The following MCF2L2 variants were observed in gnomAD, a reference collection of about 807,000 sequenced individuals.
MCF2L2 encodes MCF.2 cell line derived transforming sequence-like 2, also known as probable guanine nucleotide exchange factor MCF2L2.
In MCF2L2, 102 loss-of-function variants were observed where a neutral mutation model predicts 150.2. That is an observed-to-expected ratio of 0.68 (90% confidence interval 0.58 to 0.80). The LOEUF (loss-of-function observed/expected upper bound fraction) is 0.80, where lower values mean the gene tolerates loss of function less well. Ranked by LOEUF, MCF2L2 falls within the 30% of genes least tolerant of loss-of-function variation. The pLI, the probability that MCF2L2 is intolerant of heterozygous loss-of-function variation, is 0.00. For synonymous variants in MCF2L2, 465 were observed against 491.3 expected, an observed-to-expected ratio of 0.95 and a Z score of 0.71; for missense variants, 1,256 against 1,372.8, an observed-to-expected ratio of 0.91 and a Z score of 1.34.
chr3:183,286,857 T>C (rs529591038), intron 14 of MCF2L2, among the ~76,000 whole-genome samples: 3 of 152,350 alleles, frequency 2.0e-5, no homozygotes, highest in South Asian at 4.1e-4. Flanking sequence ...GAGAAGCTTT[T>C]CATTAAATAC....
intron 1 of MCF2L2, among the ~76,000 whole-genome samples, chr3:183,409,551 CTT>C (rs11336262): frequency 0.059 from 7,189 of 121,592 alleles, 281 homozygotes; most frequent in African/African-American, 0.15. Context: ...GCTAAAATTT[CTT>C]TTTTTTTTTT....
chr3:183,379,709 T>A (rs535362199), intron 2 of MCF2L2, among the ~76,000 whole-genome samples: 3 of 152,326 alleles, frequency 2.0e-5, no homozygotes, highest in East Asian at 3.9e-4. Context: ...CACAAATATG[T>A]AATATTGCTC....
intron 4 of MCF2L2, among the ~76,000 whole-genome samples, chr3:183,341,216 T>A (rs1730682467): frequency 6.6e-6 from 1 of 152,214 alleles, no homozygotes; most frequent in Admixed American, 6.5e-5. Flanking sequence ...AGCTGAGATA[T>A]TTATCTACCA....
At chr3:183,376,792 G>T (rs1208764082) in intron 3 of MCF2L2, 2 of 152,128 alleles carry the variant, frequency 1.3e-5, no homozygotes, top group Non-Finnish European at 1.5e-5. Flanking sequence ...ATTGAACAAA[G>T]AATAATAAAC....
chr3:183,216,233 C>G, intron 21 of MCF2L2, 139 bp from the exon 22 acceptor site: 2 of 921,868 alleles, frequency 2.2e-6, no homozygotes, highest in Non-Finnish European at 1.6e-6. Context: ...TCTCCCTGCT[C>G]CCAAAGCATG....
chr3:183,219,820 T>C (rs376558160), intron 21 of MCF2L2, 36 bp downstream of exon 21: 4 of 1,361,852 alleles, frequency 2.9e-6, no homozygotes, highest in African/African-American at 2.9e-5. Context: ...CCATTAATAG[T>C]TAGTTATATA....
intron 3 of MCF2L2, 58 bp from the exon 4 acceptor site, chr3:183,341,688 C>T (rs1730703144): frequency 2.5e-6 from 3 of 1,205,164 alleles, no homozygotes; most frequent in Admixed American, 1.7e-5. Flanking sequence ...CTCCATGTGG[C>T]TCCCACAGCA....
chr3:183,211,189 C>T (rs984043163), intron 22 of MCF2L2, among the ~76,000 whole-genome samples: 3 of 152,072 alleles, frequency 2.0e-5, no homozygotes, highest in Admixed American at 6.5e-5. Flanking sequence ...CATATACAGG[C>T]GGGTCACACA....
In MCF2L2 at chr3:183,270,318, AT is replaced by A. The variant is rs747306979; in HGVS notation, c.1862+6553del. ...CTACAATCTTACTCTGAAATTACTT[AT>A]GCAGTTCAGTTGGGCAAATACCTAT... On this transcript the variant is annotated intron_variant, in intron 15 of 29. Transcript: ENST00000328913. This position sits in a 1 kb window ranked among gnomAD's most constrained non-coding sequence, Gnocchi z 4.5. 1.9e-6 allele frequency: 3 copies of A among 1,614,082 alleles called. No individual in the cohort carries two copies. In the East Asian group the frequency reaches 6.7e-5, roughly 36 times the overall value.
chr3:183,363,699 C>T (rs1167509322), intron 3 of MCF2L2, among the ~76,000 whole-genome samples: 1 of 152,064 alleles, frequency 6.6e-6, no homozygotes, highest in Non-Finnish European at 1.5e-5. Flanking sequence ...CATGATTGCG[C>T]CACTTTTGAG....
At chr3:183,348,646 G>A (rs1397012313) in intron 3 of MCF2L2, among the ~76,000 whole-genome samples, 2 of 152,104 alleles carry the variant, frequency 1.3e-5, no homozygotes, top group Non-Finnish European at 2.9e-5. Context: ...TTGTGTATGA[G>A]GAGAGAGTTA....
chr3:183,274,291 T>A (rs933807105), intron 15 of MCF2L2, among the ~76,000 whole-genome samples: 1 of 152,222 alleles, frequency 6.6e-6, no homozygotes, highest in Non-Finnish European at 1.5e-5. Flanking sequence ...GAGAGAGGGA[T>A]GAAATCACCT....
intron 1 of MCF2L2, among the ~76,000 whole-genome samples, chr3:183,414,149 GGT>G (rs1375665379): frequency 6.6e-6 from 1 of 152,172 alleles, no homozygotes; most frequent in Non-Finnish European, 1.5e-5. Context: ...GTGAACAATT[GGT>G]ACGAATTCTT....
At chr3:183,278,534 A>G (rs902486088) in intron 14 of MCF2L2, among the ~76,000 whole-genome samples, 3 of 152,226 alleles carry the variant, frequency 2.0e-5, no homozygotes, top group Admixed American at 1.3e-4. Context: ...ATCCTTTTGC[A>G]GTTTCTCATC....
intron 21 of MCF2L2, among the ~76,000 whole-genome samples, chr3:183,218,451 A>C (rs1242947643): frequency 6.6e-6 from 1 of 152,080 alleles, no homozygotes; most frequent in East Asian, 1.9e-4. Flanking sequence ...AGCCTGACCA[A>C]CGTGGTGAAA....
chr3:183,389,732 T>C lies in MCF2L2; in HGVS notation c.124A>G (p.Ile42Val). The part of the protein sequence containing the change: ...EVRPLMAVEI[I>V]EQLHRQFAIL... ...GCAAATTGTCTGTGAAGTTGTTCTA[T>C]TATCTCCACCGCCATCAGGGGTCTG... Residue 42 changes from isoleucine to valine, a missense_variant, in exon 2 of 30, where the codon ATA becomes GTA. Transcript: ENST00000328913. 6.2e-7 allele frequency: 1 copy of C among 1,614,206 alleles called. No homozygotes were observed. The highest frequency in any genetic ancestry group is 8.5e-7 in the Non-Finnish European group (1 of 1,180,008).
rs1211057930 is a variant in MCF2L2 at position 183,338,784 on chromosome 3, G to GAA, written c.486+14_486+15dup. 2 of 1,590,606 alleles carry GAA rather than the reference G, an allele frequency of 1.3e-6. No individual in the cohort carries two copies. On this transcript the variant is annotated intron_variant, in intron 5 of 29. Coordinates refer to ENST00000328913, the MANE Select transcript of MCF2L2 (RefSeq NM_015078.4). ...AAGCCCTAACCAAATGAGACAAGATGAAAGGTCTTGCTTACCGGCACTTTC... is the reference window on the plus strand; with the variant it reads ...AAGCCCTAACCAAATGAGACAAGATGAAAAAGGTCTTGCTTACCGGCACTTTC...
intron 27 of MCF2L2, among the ~76,000 whole-genome samples, chr3:183,186,306 T>C (rs1204817910): frequency 6.6e-6 from 1 of 151,994 alleles, no homozygotes; most frequent in Non-Finnish European, 1.5e-5. Context: ...CCAGGAGAGG[T>C]GCGGTGGTAC....
chr3:183,216,580 A>AT (rs1160267005), intron 21 of MCF2L2, among the ~76,000 whole-genome samples: 4 of 3,856 alleles, frequency 1.0e-3, no homozygotes, highest in Non-Finnish European at 2.0e-3. Context: ...ATATATATAT[A>AT]TTTTTTTTTT....
Sources: gnomAD v4.1 joint callset for allele counts (sites outside exome capture counted in the v4.1 genomes callset) on GRCh38, gnomAD v4.1.1 for gene constraint, Gnocchi (gnomAD v3.1) non-coding constraint, MANE v1.5 for transcripts, NCBI Gene and HGNC (gene_info 2026-07-23, HGNC 2026-07-21) for gene names.